The following ASPH variants were observed in gnomAD, a reference collection of about 807,000 sequenced individuals.
The protein encoded by ASPH is aspartyl/asparaginyl beta-hydroxylase.
In ASPH, 100 loss-of-function variants were observed where a neutral mutation model predicts 118.4. The ratio of observed to expected loss-of-function variants is 0.84; its 90% CI spans 0.72 to 1.00. The LOEUF is 1.00. Ranked by LOEUF, ASPH falls within the 50% of genes least tolerant of loss-of-function variation. ASPH has a pLI of 0.00. For missense variants in ASPH, 920 were observed against 919.5 expected (o/e 1.00, Z -0.01); for synonymous variants, 315 against 325.6 (o/e 0.97, Z 0.35).
intron 19 of ASPH, among the ~76,000 whole-genome samples, 191 bp downstream of exon 19, chr8:61,555,733 T>C (rs571344550): frequency 6.6e-6 from 1 of 152,264 alleles, no homozygotes; most frequent in South Asian, 2.1e-4. Context: ...GTGGTTGGTA[T>C]CCTGACATCT....
chr8:61,594,110 G>C (rs555027162), intron 14 of ASPH, among the ~76,000 whole-genome samples: 1 of 152,264 alleles, frequency 6.6e-6, no homozygotes, highest in East Asian at 1.9e-4. Context: ...AAACTGTGTA[G>C]ACATAAATGG....
intron 22 of ASPH, among the ~76,000 whole-genome samples, chr8:61,519,285 G>A (rs1204852938): frequency 1.3e-5 from 2 of 152,032 alleles, no homozygotes; most frequent in African/African-American, 4.8e-5. Flanking sequence ...TATATTTCAT[G>A]CATTCATGAC....
At chr8:61,698,612 C>T (rs1563643539) in intron 1 of ASPH, among the ~76,000 whole-genome samples, 2 of 152,302 alleles carry the variant, frequency 1.3e-5, no homozygotes, top group Admixed American at 1.3e-4. Flanking sequence ...CCTCTCTCCT[C>T]CCAGAGGTTG....
chr8:61,681,257 A>T (rs1158007555), intron 2 of ASPH, among the ~76,000 whole-genome samples: 1 of 151,770 alleles, frequency 6.6e-6, no homozygotes, highest in Non-Finnish European at 1.5e-5. Context: ...AATAAATGCT[A>T]TGAAATAAAA....
rs113885603 is a variant in ASPH at position 61,534,017 on chromosome 8, G to A, written c.1765-7905C>T. Reference sequence around the variant, plus strand: ...GGCTAGAGTACAATGGCGCGATCTCGGCTCACCACAACCTCTGCCTCCCGG... The same window carrying A: ...GGCTAGAGTACAATGGCGCGATCTCAGCTCACCACAACCTCTGCCTCCCGG... On this transcript the variant is annotated intron_variant, in intron 21 of 24. Coordinates refer to ENST00000379454, the MANE Select transcript of ASPH (RefSeq NM_004318.4). Among the ~76,000 whole-genome samples, 329 of 152,146 alleles carry A rather than the reference G, an allele frequency of 2.2e-3. 1 individual carries two copies. The highest frequency in any genetic ancestry group is 7.0e-3 in the African/African-American group (290 of 41,510).
chr8:61,645,794 T>A (rs1201580523), intron 6 of ASPH, among the ~76,000 whole-genome samples: 7 of 152,216 alleles, frequency 4.6e-5, no homozygotes, highest in Admixed American at 4.6e-4. Context: ...ATACATGTAC[T>A]CATAAAGTAG....
At chr8:61,539,859 T>C (rs1299299927) in intron 21 of ASPH, among the ~76,000 whole-genome samples, 1 of 152,166 alleles carries the variant, frequency 6.6e-6, no homozygotes, top group African/African-American at 2.4e-5. Flanking sequence ...TGTGTTTACA[T>C]CTAAATTAGT....
intron 17 of ASPH, among the ~76,000 whole-genome samples, chr8:61,564,867 T>C (rs1831144714): frequency 6.6e-6 from 1 of 152,236 alleles, no homozygotes; most frequent in Non-Finnish European, 1.5e-5. Context: ...GACTCTAATC[T>C]ATAGGAGCCT....
chr8:61,659,954 A>C (rs1162395011), intron 3 of ASPH: 2 of 151,114 alleles, frequency 1.3e-5, no homozygotes, highest in African/African-American at 4.9e-5. Context: ...TTGGAATGAG[A>C]TCTCTCTCTT....
At chr8:61,563,044 G>T (rs963192870) in intron 17 of ASPH, among the ~76,000 whole-genome samples, 164 bp from the exon 18 acceptor site, 1 of 152,012 alleles carries the variant, frequency 6.6e-6, no homozygotes, top group Admixed American at 6.5e-5. Context: ...TCATAATGTA[G>T]TTGCAATGGT....
rs1816710629 is a variant in ASPH, at chr8:61,529,374, G to A, written c.1765-3262C>T. On this transcript the variant is annotated intron_variant, in intron 21 of 24. Transcript: ENST00000379454. ...CTTAGAGAGCAACATGCTCCCTGGTGAGCGCCCTGCAGAGGGCATGCCACC... is the reference window on the plus strand; with the variant it reads ...CTTAGAGAGCAACATGCTCCCTGGTAAGCGCCCTGCAGAGGGCATGCCACC... Among the ~76,000 whole-genome samples, 7 of 152,304 alleles carry A rather than the reference G, an allele frequency of 4.6e-5. No homozygotes were observed. In the South Asian group the frequency reaches 1.5e-3, roughly 32 times the overall value.
intron 21 of ASPH, among the ~76,000 whole-genome samples, chr8:61,541,986 C>T (rs997873021): frequency 3.3e-5 from 5 of 152,158 alleles, no homozygotes; most frequent in Non-Finnish European, 1.5e-5. Context: ...GGCAAGCAAA[C>T]AGATTTTGAG....
In ASPH at chr8:61,546,129, C is replaced by A. The variant is rs532970493; in HGVS notation, c.1764+1942G>T. On this transcript the variant is annotated intron_variant, in intron 21 of 24. Transcript: ENST00000379454. ...AGCTCAGCAATGTCACTCTCTCCCC[C>A]TCTCTTCCAGTGGCTGCTGGCAGCC... is the stretch of plus-strand genomic sequence containing the variant. Among the ~76,000 whole-genome samples the A allele has an allele frequency of 4.6e-5, 7 of 152,336 alleles. No homozygotes were observed. In the South Asian group the frequency reaches 1.4e-3, roughly 32 times the overall value.
chr8:61,504,729 A>G (rs1223890431), intron 24 of ASPH, among the ~76,000 whole-genome samples: 1 of 152,186 alleles, frequency 6.6e-6, no homozygotes, highest in Non-Finnish European at 1.5e-5. Context: ...AGTTTTTGCC[A>G]TAGTTGTGAC....
At chr8:61,506,847 G>A (rs1368488986) in intron 24 of ASPH, among the ~76,000 whole-genome samples, 1 of 152,128 alleles carries the variant, frequency 6.6e-6, no homozygotes, top group Non-Finnish European at 1.5e-5. Flanking sequence ...GATGTTGTCT[G>A]CCTTCCTTTG....
intron 10 of ASPH, 37 bp downstream of exon 10, chr8:61,642,851 A>C (rs1369632400): frequency 6.6e-7 from 1 of 1,505,432 alleles, no homozygotes; most frequent in Non-Finnish European, 8.9e-7. Context: ...ATCTCAAAAA[A>C]AAAAAGAAAA....
At chr8:61,598,671 C>T (rs569141240) in intron 14 of ASPH, among the ~76,000 whole-genome samples, 12 of 152,276 alleles carry the variant, frequency 7.9e-5, no homozygotes, top group African/African-American at 2.9e-4. Context: ...AGCATCATAT[C>T]CAACAGCTAC....
chr8:61,630,515 G>A (rs773948367), intron 13 of ASPH, among the ~76,000 whole-genome samples: 7 of 152,106 alleles, frequency 4.6e-5, no homozygotes, highest in South Asian at 2.1e-4. Flanking sequence ...TTAAAAATAC[G>A]GCCATGTGTC....
At chr8:61,701,097 G>T (rs1835137754) in intron 1 of ASPH, among the ~76,000 whole-genome samples, 1 of 152,126 alleles carries the variant, frequency 6.6e-6, no homozygotes, top group Non-Finnish European at 1.5e-5. Flanking sequence ...CTCAGAGGTG[G>T]CCCCACTGTT....
Sources: allele counts gnomAD v4.1 joint callset (sites outside exome capture counted in the v4.1 genomes callset), GRCh38; gene constraint gnomAD v4.1.1; transcripts MANE v1.5; gene names NCBI Gene and HGNC (gene_info 2026-07-23, HGNC 2026-07-21).